SLC24A3: variants seen among roughly 807,000 people sequenced by gnomAD.
SLC24A3 encodes sodium/potassium/calcium exchanger 3.
In SLC24A3, 28 loss-of-function variants were observed where a neutral mutation model predicts 75.8. The observed-to-expected ratio is 0.37, with a 90% confidence interval of 0.27 to 0.51. SLC24A3 has a LOEUF of 0.51. Ranked by LOEUF, SLC24A3 falls within the 20% of genes least tolerant of loss-of-function variation. SLC24A3 has a pLI of 0.94. For missense variants in SLC24A3, 663 were observed against 847.8 expected, an observed-to-expected ratio of 0.78 and a Z score of 2.71; for synonymous variants, 372 against 334.1, an observed-to-expected ratio of 1.11 and a Z score of -1.24.
chr20:19,320,402 A>T (rs1984681914), intron 2 of SLC24A3, among the ~76,000 whole-genome samples: 1 of 152,074 alleles, frequency 6.6e-6, no homozygotes, highest in South Asian at 2.1e-4. Flanking sequence ...GGGTTTGGGC[A>T]TCTGCTCATT....
At chr20:19,272,948 G>T (rs533858346) in intron 1 of SLC24A3, among the ~76,000 whole-genome samples, 1 of 152,256 alleles carries the variant, frequency 6.6e-6, no homozygotes, top group South Asian at 2.1e-4. Context: ...GTCCTGGAGG[G>T]TCCAGGAAGG....
At chr20:19,530,773 T>G (rs1306805323) in intron 3 of SLC24A3, among the ~76,000 whole-genome samples, 2 of 152,166 alleles carry the variant, frequency 1.3e-5, no homozygotes, top group Non-Finnish European at 2.9e-5. Flanking sequence ...GGCTTGATAT[T>G]GCCTGATGAT....
rs548549841 is a variant in SLC24A3, at chr20:19,442,841, C to G, written c.272-72647C>G. On this transcript the variant is annotated intron_variant, in intron 2 of 16. Coordinates refer to ENST00000328041, the MANE Select transcript of SLC24A3 (RefSeq NM_020689.4). ...TACAGTTTTGCATTTTACTTTTGGT[C>G]TATGATCCATTTTGAGTTAATTTTT... Among the ~76,000 whole-genome samples, 4 of 152,206 alleles carry G rather than the reference C, an allele frequency of 2.6e-5. No individual in the cohort carries two copies. The South Asian group carries it at 8.3e-4, about 32-fold the overall frequency.
chr20:19,484,783 T>G (rs1334748222), intron 2 of SLC24A3, among the ~76,000 whole-genome samples: 1 of 152,206 alleles, frequency 6.6e-6, no homozygotes, highest in Non-Finnish European at 1.5e-5. Flanking sequence ...ATGAATATAC[T>G]TTAGACTACT....
chr20:19,258,522 G>T (rs1003294436), intron 1 of SLC24A3, among the ~76,000 whole-genome samples: 5 of 152,172 alleles, frequency 3.3e-5, no homozygotes, highest in African/African-American at 1.2e-4. Flanking sequence ...TCACCAATAT[G>T]GTGAAACCCT....
At chr20:19,467,112 A>T (rs1987778883) in intron 2 of SLC24A3, among the ~76,000 whole-genome samples, 1 of 152,230 alleles carries the variant, frequency 6.6e-6, no homozygotes, top group Admixed American at 6.5e-5. Flanking sequence ...ATTTTGAAAG[A>T]TCACTCTAGC....
rs143111627 is a variant in SLC24A3, at chr20:19,592,890, A to C, written c.612+7346A>C. On this transcript the variant is annotated intron_variant, in intron 6 of 16. Transcript: ENST00000328041. ...GGCTCACTACAACCTCCACCTCCCA[A>C]GTTTAAGCGATTCTCCTGCCTCAGC... Among the ~76,000 whole-genome samples, 36 of 148,656 alleles carry C rather than the reference A, an allele frequency of 2.4e-4. No homozygotes were observed. In the East Asian group the frequency reaches 7.1e-3, roughly 29 times the overall value.
intron 2 of SLC24A3, among the ~76,000 whole-genome samples, chr20:19,440,478 G>A (rs1568618589): frequency 1.3e-5 from 2 of 152,180 alleles, no homozygotes; most frequent in South Asian, 4.1e-4. Flanking sequence ...CCCCTACGGT[G>A]TTTCCTAGCA....
intron 3 of SLC24A3, among the ~76,000 whole-genome samples, chr20:19,530,576 T>A (rs1403272371): frequency 6.6e-6 from 1 of 152,194 alleles, no homozygotes; most frequent in African/African-American, 2.4e-5. Flanking sequence ...ATCTTTAGAA[T>A]GAGGAAAAGC....
At chr20:19,378,931 G>A (rs990153569) in intron 2 of SLC24A3, among the ~76,000 whole-genome samples, 1 of 151,724 alleles carries the variant, frequency 6.6e-6, no homozygotes, top group African/African-American at 2.4e-5. Context: ...AGGATGCAGT[G>A]GGGGTAATTA....
Position 19,372,277 on chromosome 20 carries a change from A to T in SLC24A3, c.271+91190A>T, listed in dbSNP as rs142311707. Among the ~76,000 whole-genome samples the T allele has an allele frequency of 2.7e-3, 409 of 152,316 alleles. 15 individuals carry two copies. The highest frequency in any genetic ancestry group is 0.026 in the Admixed American group (397 of 15,304). On this transcript the variant is annotated intron_variant, in intron 2 of 16. Transcript: ENST00000328041. ...CTTCTAACTCAGGGAAAGAAGCAGA[A>T]GTTGAGGGAAGGCAGGAATGAATAT...
chr20:19,263,033 T>TTGTGTGTG (rs11473481), intron 1 of SLC24A3, among the ~76,000 whole-genome samples: 3,963 of 143,190 alleles, frequency 0.028, 55 homozygotes, highest in Middle Eastern at 0.059. Context: ...ACTCCAGCCT[T>TTGTGTGTG]TGTGTGTGTG....
chr20:19,635,931 G>A (rs979759342), intron 6 of SLC24A3, among the ~76,000 whole-genome samples: 5 of 152,130 alleles, frequency 3.3e-5, no homozygotes, highest in Non-Finnish European at 2.9e-5. Context: ...ACAAGGTCAG[G>A]AGATCGAGAC....
Position 19,684,261 on chromosome 20 carries a change from C to T in SLC24A3, c.987C>T (p.Gly329=). Residue 329 remains glycine (G), a synonymous_variant, in exon 11 of 17, where the codon GGC becomes GGT. Coordinates refer to ENST00000328041, the MANE Select transcript of SLC24A3 (RefSeq NM_020689.4). ...ACCAGCTTTCCTTCTCTGAGGCTGG[C>T]CTTCGAATCATGATAACCAGCCACT... The part of the protein sequence containing the change: ...YPHQLSFSEA[G]LRIMITSHFP... 6.2e-7 allele frequency: 1 copy of T among 1,614,132 alleles called. No individual in the cohort carries two copies. The highest frequency in any genetic ancestry group is 8.5e-7 in the Non-Finnish European group (1 of 1,180,028).
At chr20:19,718,116 A>G (rs1333298554) in intron 16 of SLC24A3, among the ~76,000 whole-genome samples, 2 of 152,236 alleles carry the variant, frequency 1.3e-5, no homozygotes, top group Admixed American at 1.3e-4. Context: ...CCATTAACAT[A>G]CAAATATGCT....
intron 6 of SLC24A3, among the ~76,000 whole-genome samples, chr20:19,618,139 G>T (rs2031760635): frequency 6.6e-6 from 1 of 152,174 alleles, no homozygotes; most frequent in African/African-American, 2.4e-5. Flanking sequence ...GGGGAAGAAG[G>T]TCACTAGTGG....
At chr20:19,572,004 T>C (rs376190655) in intron 3 of SLC24A3, among the ~76,000 whole-genome samples, 4 of 152,028 alleles carry the variant, frequency 2.6e-5, no homozygotes, top group African/African-American at 7.2e-5. Context: ...AGTAGGGGAA[T>C]AGAAAGTGAG....
chr20:19,255,271 C>G (rs1008980781), intron 1 of SLC24A3, among the ~76,000 whole-genome samples: 4 of 152,238 alleles, frequency 2.6e-5, no homozygotes, highest in Admixed American at 6.5e-5. Context: ...TTAACTCTTG[C>G]TGCCTGTCAG....
At chr20:19,481,646 G>A (rs571423157) in intron 2 of SLC24A3, among the ~76,000 whole-genome samples, 232 of 152,152 alleles carry the variant, frequency 1.5e-3, no homozygotes, top group Non-Finnish European at 2.7e-3. Context: ...TTTGGGATGA[G>A]CAGAGTTTGA....
Sources: allele counts gnomAD v4.1 joint callset (sites outside exome capture counted in the v4.1 genomes callset), GRCh38; gene constraint gnomAD v4.1.1; transcripts MANE v1.5; gene names NCBI Gene and HGNC (gene_info 2026-07-23, HGNC 2026-07-21).